DCAF6: variants seen among roughly 807,000 people sequenced by gnomAD.
DCAF6 encodes DDB1 and CUL4 associated factor 6.
DCAF6 carries 54 observed loss-of-function variants against 125.1 expected under a neutral mutation model. The observed-to-expected ratio is 0.43, with a 90% CI of 0.35 to 0.54. The LOEUF (loss-of-function observed/expected upper bound fraction) is 0.54. Ranked by LOEUF, DCAF6 falls within the 20% of genes least tolerant of loss-of-function variation. The pLI, the probability that DCAF6 is intolerant of heterozygous loss-of-function variation, is 0.01. For missense variants in DCAF6, 934 were observed against 1,161.7 expected (o/e 0.80, Z 2.85); for synonymous variants, 371 against 390.4 (o/e 0.95, Z 0.58).
At chr1:167,913,730 A>G in the DCAF6 span, among the ~76,000 whole-genome samples, 1 of 150,854 alleles carries the variant, frequency 6.6e-6, no homozygotes, top group Non-Finnish European at 1.5e-5. Context: ...AACTGCAGAA[A>G]AGAGGCAAAT....
chr1:167,882,434 G>A, the DCAF6 span, among the ~76,000 whole-genome samples: 4 of 143,262 alleles, frequency 2.8e-5, no homozygotes, highest in African/African-American at 5.2e-5. Flanking sequence ...TCAGTGAGCC[G>A]AGATCATGCC....
In DCAF6 at chr1:168,015,916, C is replaced by T. The variant is rs1684908636; in HGVS notation, c.1514C>T (p.Ser505Phe). 2.6e-6 allele frequency: 4 copies of T among 1,532,098 alleles called. No individual in the cohort carries two copies. Among genetic ancestry groups the T allele is most frequent in the Non-Finnish European group, 3.5e-6 (4 of 1,137,682 alleles). 94.9% of individuals were successfully genotyped at this position (1,532,098 alleles called of 1,614,324 possible). A position where few individuals can be genotyped will look rare whatever the true frequency, so the allele number is the denominator to read the frequency against. ...QQQPSTSDQS[S>F]HEGSSQDPHA... Reference sequence around the variant, plus strand: ...CAGCCTTCCACTTCTGATCAGTCTTCTCATGAGGGCTCTTCACAGGACCCT... The same window carrying T: ...CAGCCTTCCACTTCTGATCAGTCTTTTCATGAGGGCTCTTCACAGGACCCT... The change falls in exon 11 of 22, where the codon TCT becomes TTT. Residue 505 changes from serine (S) to phenylalanine (F), a missense_variant. Ser to Phe is a radical substitution (Grantham distance 155). This residue lies in a region of DCAF6 where 559 missense variants were observed against 635.5 expected (regional missense o/e 0.88). Transcript: ENST00000367840.
the DCAF6 span, among the ~76,000 whole-genome samples, chr1:167,895,106 C>T: frequency 6.7e-6 from 1 of 150,102 alleles, no homozygotes; most frequent in Non-Finnish European, 1.5e-5. Context: ...CGCTTGAACC[C>T]GGGAGGCAGA....
At chr1:167,872,442 A>T in the DCAF6 span, among the ~76,000 whole-genome samples, 1 of 151,982 alleles carries the variant, frequency 6.6e-6, no homozygotes, top group Non-Finnish European at 1.5e-5. Flanking sequence ...CTACTGGTAG[A>T]ACCTTATGGA....
chr1:167,878,406 T>G, the DCAF6 span: 3 of 1,600,740 alleles, frequency 1.9e-6, no homozygotes, highest in South Asian at 3.3e-5. Flanking sequence ...CTCCCGCTTC[T>G]TTACTAAAAT....
chr1:168,050,066 GA>G (rs5778564), intron 16 of DCAF6, among the ~76,000 whole-genome samples: 18 of 144,214 alleles, frequency 1.2e-4, no homozygotes, highest in East Asian at 2.0e-4. Flanking sequence ...ATTACTCTCT[GA>G]AAAAAAAAAA....
At chr1:168,033,340 G>C (rs1297245080) in intron 12 of DCAF6, among the ~76,000 whole-genome samples, 1 of 128,590 alleles carries the variant, frequency 7.8e-6, no homozygotes, top group Non-Finnish European at 1.5e-5. Flanking sequence ...ACGGAGTCTC[G>C]CTCTGTCGCC....
chr1:168,047,640 G>A (rs979137158), intron 16 of DCAF6, among the ~76,000 whole-genome samples: 2 of 151,814 alleles, frequency 1.3e-5, no homozygotes. Flanking sequence ...AGAGAATACC[G>A]AAGCCATTTA....
chr1:167,951,796 A>C lies in DCAF6; in HGVS notation c.98-4A>C. On this transcript the variant is annotated splice_polypyrimidine_tract_variant and splice_region_variant and intron_variant, in intron 1 of 21. Coordinates refer to ENST00000367840, the MANE Select transcript of DCAF6 (RefSeq NM_001198956.2). ...TATTTAATTTGTTCTTTCTTTTTAA[A>C]CAGGAAGAAGAGAATTTATCCAAAG... The C allele has an allele frequency of 6.4e-7, 1 of 1,565,864 alleles. No individual in the cohort carries two copies. The highest frequency in any genetic ancestry group is 1.1e-5 in the South Asian group (1 of 89,618).
the DCAF6 span, among the ~76,000 whole-genome samples, chr1:167,898,899 G>C: frequency 6.6e-6 from 1 of 152,074 alleles, no homozygotes; most frequent in Non-Finnish European, 1.5e-5. Flanking sequence ...ATATCCCAGG[G>C]ACAGTTCTGC....
the DCAF6 span, among the ~76,000 whole-genome samples, chr1:167,912,374 T>C: frequency 6.6e-6 from 1 of 152,208 alleles, no homozygotes; most frequent in Non-Finnish European, 1.5e-5. Context: ...GGAGGCCTTC[T>C]TTCCCTTGCC....
intron 18 of DCAF6, 138 bp from the exon 19 acceptor site, chr1:168,065,452 T>A: frequency 1.3e-6 from 1 of 743,084 alleles, no homozygotes; most frequent in South Asian, 2.1e-5. Context: ...CCAGCATCAA[T>A]TTTTAATTTT....
At chr1:167,925,456 T>TATATATATATATACATATAC in the DCAF6 span, among the ~76,000 whole-genome samples, 1 of 111,910 alleles carries the variant, frequency 8.9e-6, no homozygotes, top group African/African-American at 4.1e-5. Flanking sequence ...TATATATATA[T>TATATATATATATACATATAC]ATATATATAT....
the DCAF6 span, among the ~76,000 whole-genome samples, chr1:167,889,706 C>A: frequency 6.6e-6 from 1 of 152,102 alleles, no homozygotes; most frequent in Non-Finnish European, 1.5e-5. Context: ...GGTCCCAGAT[C>A]TTGTTACTTG....
chr1:167,985,718 C>A (rs575150509), intron 4 of DCAF6, among the ~76,000 whole-genome samples: 3 of 152,176 alleles, frequency 2.0e-5, no homozygotes, highest in East Asian at 1.9e-4. Context: ...AATAGTAAAC[C>A]TTTTAAGACA....
At chr1:167,918,320 CTT>C in the DCAF6 span, 6 of 1,565,750 alleles carry the variant, frequency 3.8e-6, no homozygotes, top group Non-Finnish European at 5.3e-6. Context: ...ATCAGGAACT[CTT>C]TTATTTGTGT....
At chr1:167,982,470 T>C (rs905455731) in intron 4 of DCAF6, among the ~76,000 whole-genome samples, 1 of 152,216 alleles carries the variant, frequency 6.6e-6, no homozygotes, top group East Asian at 1.9e-4. Flanking sequence ...TTTGATCTCC[T>C]GACCTCATGA....
intron 11 of DCAF6, among the ~76,000 whole-genome samples, chr1:168,021,353 A>C (rs1041710185): frequency 6.6e-6 from 1 of 152,114 alleles, no homozygotes; most frequent in Non-Finnish European, 1.5e-5. Context: ...TTTTTAGGAG[A>C]GTTTCCCAAT....
chr1:167,892,035 G>C, the DCAF6 span, among the ~76,000 whole-genome samples: 3 of 640 alleles, frequency 4.7e-3, no homozygotes, highest in Non-Finnish European at 0.01. Flanking sequence ...GTGCAGTGGA[G>C]CAATCTCGGC....
Sources: gnomAD v4.1 joint callset for allele counts (sites outside exome capture counted in the v4.1 genomes callset) on GRCh38, gnomAD v4.1.1 for gene constraint, gnomAD v4.1.1 regional missense constraint, MANE v1.5 for transcripts, NCBI Gene and HGNC (gene_info 2026-07-23, HGNC 2026-07-21) for gene names.